TGFBR3: variants seen among roughly 807,000 people sequenced by gnomAD.
TGFBR3 encodes the protein transforming growth factor beta receptor 3, also known as transforming growth factor beta receptor type 3.
Under a neutral mutation model 87.9 loss-of-function variants are expected in TGFBR3, and 46 were observed. The ratio of observed to expected loss-of-function variants is 0.52; its 90% CI spans 0.41 to 0.67. The LOEUF is 0.67. TGFBR3 is among the 30% of genes least tolerant of loss of function. TGFBR3 has a pLI of 0.00. For synonymous variants in TGFBR3, 381 were observed against 391.6 expected, an observed-to-expected ratio of 0.97 and a Z score of 0.32; for missense variants, 866 against 1,041.9, an observed-to-expected ratio of 0.83 and a Z score of 2.32.
chr1:91,685,301 C>T (rs75758011), intron 16 of TGFBR3, among the ~76,000 whole-genome samples: 4,007 of 143,492 alleles, frequency 0.028, 186 homozygotes, highest in African/African-American at 0.098. Context: ...TCCTGAGAAG[C>T]GGAGAAGCAC....
intron 2 of TGFBR3, among the ~76,000 whole-genome samples, chr1:91,829,207 C>T (rs1011335380): frequency 6.6e-6 from 1 of 151,988 alleles, no homozygotes; most frequent in Non-Finnish European, 1.5e-5. Context: ...GAAACCCCGT[C>T]TCTTCTAAAA....
At chr1:91,876,719 T>G (rs2101266212) in intron 1 of TGFBR3, among the ~76,000 whole-genome samples, 1 of 152,268 alleles carries the variant, frequency 6.6e-6, no homozygotes, top group East Asian at 1.9e-4. Context: ...AAAAACTGCC[T>G]AAATGCTCTT....
intron 10 of TGFBR3, 120 bp downstream of exon 10, chr1:91,719,192 C>G: frequency 7.3e-7 from 1 of 1,371,690 alleles, no homozygotes; most frequent in Non-Finnish European, 1.0e-6. Flanking sequence ...TGACACTTGG[C>G]TTTCTTCAGG....
At chr1:91,723,645 C>T (rs1225923636) in intron 7 of TGFBR3, among the ~76,000 whole-genome samples, 1 of 152,124 alleles carries the variant, frequency 6.6e-6, no homozygotes, top group East Asian at 1.9e-4. Flanking sequence ...GTTGCTGACT[C>T]CTGTGGCAGT....
chr1:91,895,131 C>G (rs925758708), intron 2 of TGFBR3, among the ~76,000 whole-genome samples: 6 of 152,110 alleles, frequency 3.9e-5, no homozygotes, highest in East Asian at 1.9e-4. Context: ...GCGTCCTCAT[C>G]CAAATCTCAT....
chr1:91,827,800 A>C (rs1362874268), intron 2 of TGFBR3, among the ~76,000 whole-genome samples: 1 of 152,194 alleles, frequency 6.6e-6, no homozygotes, highest in African/African-American at 2.4e-5. Flanking sequence ...ATAATAGTGC[A>C]TGTCATCAAA....
intron 13 of TGFBR3, among the ~76,000 whole-genome samples, chr1:91,711,271 C>T (rs545174449): frequency 1.4e-4 from 21 of 152,278 alleles, no homozygotes; most frequent in South Asian, 1.0e-3. Flanking sequence ...GCTCTATTTT[C>T]GTATGCAAAC....
Position 91,719,971 on chromosome 1 carries a change from T to C in TGFBR3, c.1335A>G (p.Gln445=). ...FPGLREPEEV[Q]GSVDIALSVK... ...CAGACAGGGCAATATCCACGCTCCCTTGCACCTCTTCTGGCTCTCTGAGAC... is the reference window on the plus strand; with the variant it reads ...CAGACAGGGCAATATCCACGCTCCCCTGCACCTCTTCTGGCTCTCTGAGAC... Residue 445 remains glutamine (Q), a synonymous_variant, in exon 9 of 17, where the codon CAA becomes CAG. Coordinates refer to ENST00000212355, the MANE Select transcript of TGFBR3 (RefSeq NM_003243.5). 1.2e-6 allele frequency: 2 copies of C among 1,614,160 alleles called. No homozygotes were observed. Among genetic ancestry groups the C allele is most frequent in the Non-Finnish European group, 1.7e-6 (2 of 1,180,016 alleles).
intron 1 of TGFBR3, among the ~76,000 whole-genome samples, chr1:91,871,212 T>C (rs1678572454): frequency 6.6e-6 from 1 of 152,190 alleles, no homozygotes; most frequent in East Asian, 1.9e-4. Flanking sequence ...CTGTGCCTAT[T>C]ACTAAGCCAC....
intron 12 of TGFBR3, among the ~76,000 whole-genome samples, chr1:91,715,648 T>C (rs1039439623): frequency 2.6e-4 from 39 of 152,214 alleles, no homozygotes; most frequent in Admixed American, 2.6e-3. Flanking sequence ...CACATGATTA[T>C]TAACATTATA....
chr1:91,715,738 A>T (rs1298737601), intron 12 of TGFBR3, among the ~76,000 whole-genome samples: 1 of 152,210 alleles, frequency 6.6e-6, no homozygotes, highest in African/African-American at 2.4e-5. Flanking sequence ...TTATAATAGC[A>T]CATAGCATTT....
intron 10 of TGFBR3, 46 bp from the exon 11 acceptor site, chr1:91,716,754 C>T (rs371574806): frequency 5.1e-5 from 82 of 1,611,338 alleles, no homozygotes; most frequent in Non-Finnish European, 6.5e-5. Flanking sequence ...AACACCAAAC[C>T]ATGTGTGTTT....
At chr1:91,817,784 C>A (rs1469630925) in intron 2 of TGFBR3, among the ~76,000 whole-genome samples, 1 of 151,698 alleles carries the variant, frequency 6.6e-6, no homozygotes, top group Non-Finnish European at 1.5e-5. Flanking sequence ...GGCCCCAGCT[C>A]AACCTTGACT....
intron 14 of TGFBR3, among the ~76,000 whole-genome samples, chr1:91,700,819 T>C (rs1020720854): frequency 6.6e-6 from 1 of 152,196 alleles, no homozygotes; most frequent in African/African-American, 2.4e-5. Context: ...CCTTCACTTA[T>C]ATTGTCTCAT....
At chr1:91,905,305 C>T (rs1306737318) in intron 1 of TGFBR3, among the ~76,000 whole-genome samples, 1 of 152,136 alleles carries the variant, frequency 6.6e-6, no homozygotes, top group African/African-American at 2.4e-5. Flanking sequence ...CTCTAGGGTA[C>T]AGAAAAATGC....
rs116227954 is a variant in TGFBR3, at chr1:91,774,416, G to A, written c.247-15666C>T. ...CTCCCAAAGTGCTAGGATTATAGGC[G>A]TAAGCCACTGCGCCCGGCCTAGATA... On this transcript the variant is annotated intron_variant, in intron 3 of 16. Coordinates refer to ENST00000212355, the MANE Select transcript of TGFBR3 (RefSeq NM_003243.5). Among the ~76,000 whole-genome samples the A allele has an allele frequency of 9.8e-3, 1,492 of 152,252 alleles. 32 individuals carry two copies. Among genetic ancestry groups the A allele is most frequent in the African/African-American group, 0.034 (1,430 of 41,534 alleles).
At chr1:91,756,627 T>A (rs1264035581) in intron 4 of TGFBR3, among the ~76,000 whole-genome samples, 3 of 152,216 alleles carry the variant, frequency 2.0e-5, no homozygotes, top group Non-Finnish European at 4.4e-5. Flanking sequence ...TAATTACTGA[T>A]TTTTGATTTT....
intron 3 of TGFBR3, among the ~76,000 whole-genome samples, chr1:91,768,306 C>T (rs546285678): frequency 1.2e-4 from 19 of 152,172 alleles, no homozygotes; most frequent in African/African-American, 4.6e-4. Flanking sequence ...GAATCTGCTG[C>T]CTTGTATTAA....
rs529312711 is a variant in TGFBR3, at chr1:91,896,851, C to T, written c.-114+2786G>A. 2.0e-5 allele frequency among the ~76,000 whole-genome samples: 3 copies of T among 151,382 alleles called. No homozygotes were observed. The South Asian group carries it at 6.3e-4, about 32-fold the overall frequency. ...CTTAAAGGGTCTTTGACTAACTCCC[C>T]AAGTGAGAGAAAGGAAGGAAGCCCT... On this transcript the variant is annotated intron_variant, in intron 2 of 17. Coordinates refer to the TGFBR3 transcript ENST00000370399.
Sources: gnomAD v4.1 joint callset for allele counts (sites outside exome capture counted in the v4.1 genomes callset) on GRCh38, gnomAD v4.1.1 for gene constraint, MANE v1.5 for transcripts, NCBI Gene and HGNC (gene_info 2026-07-23, HGNC 2026-07-21) for gene names.